UBE2G1: variants seen among roughly 807,000 people sequenced by gnomAD.
UBE2G1 encodes the protein ubiquitin conjugating enzyme E2 G1.
UBE2G1 carries 5 observed loss-of-function variants against 22.7 expected under a neutral mutation model. That is an observed-to-expected ratio of 0.22 (90% CI 0.12 to 0.46). UBE2G1 has a LOEUF of 0.46. Among genes scored for constraint, UBE2G1 ranks in the 20% least tolerant of loss-of-function variants. The probability of loss-of-function intolerance (pLI) is 0.99; values close to 1 mark genes in which losing one functional copy is unlikely to be tolerated. For synonymous variants in UBE2G1, 74 were observed against 67.5 expected, an observed-to-expected ratio of 1.10 and a Z score of -0.47; for missense variants, 88 against 203.9, an observed-to-expected ratio of 0.43 and a Z score of 3.46.
At chr17:4,303,392 A>G (rs540614830) in intron 2 of UBE2G1, among the ~76,000 whole-genome samples, 1 of 152,102 alleles carries the variant, frequency 6.6e-6, no homozygotes, top group South Asian at 2.1e-4. Flanking sequence ...GGGAAAAAAT[A>G]ATTTTTTTTT....
At chr17:4,309,238 G>A (rs570037604) in intron 1 of UBE2G1, among the ~76,000 whole-genome samples, 1 of 152,196 alleles carries the variant, frequency 6.6e-6, no homozygotes, top group Admixed American at 6.5e-5. Flanking sequence ...CAGCCTGGGT[G>A]ACAATGCGAG....
intron 1 of UBE2G1, among the ~76,000 whole-genome samples, chr17:4,334,410 T>C (rs1450456533): frequency 1.3e-5 from 2 of 152,244 alleles, no homozygotes; most frequent in East Asian, 3.8e-4. Context: ...TGCTTTTCTA[T>C]ATTTCATGCC....
chr17:4,335,235 C>G (rs1170309105), intron 1 of UBE2G1: 1 of 152,064 alleles, frequency 6.6e-6, no homozygotes, highest in African/African-American at 2.4e-5. Context: ...GTAAGAGAAT[C>G]ACACCAAGAC....
At chr17:4,309,941 C>G (rs1467924390) in intron 1 of UBE2G1, among the ~76,000 whole-genome samples, 1 of 152,208 alleles carries the variant, frequency 6.6e-6, no homozygotes, top group Admixed American at 6.6e-5. Context: ...TTTGCCCATT[C>G]TTTCCATGCA....
At chr17:4,291,082 C>T (rs910367897) in intron 3 of UBE2G1, among the ~76,000 whole-genome samples, 2 of 152,108 alleles carry the variant, frequency 1.3e-5, no homozygotes, top group South Asian at 2.1e-4. Context: ...CACCGAGGGC[C>T]GGGCGTGGTG....
intron 1 of UBE2G1, among the ~76,000 whole-genome samples, chr17:4,365,492 C>T (rs1177493219): frequency 6.6e-6 from 1 of 152,158 alleles, no homozygotes; most frequent in African/African-American, 2.4e-5. Context: ...CGGCCGCCGC[C>T]CCGGGCCAGA....
chr17:4,303,524 A>G (rs1453305000), intron 2 of UBE2G1, among the ~76,000 whole-genome samples: 1 of 152,178 alleles, frequency 6.6e-6, no homozygotes, highest in Admixed American at 6.5e-5. Flanking sequence ...TCAACTAAGA[A>G]GAGTGGTAGA....
chr17:4,350,058 G>A (rs113987071), intron 1 of UBE2G1, among the ~76,000 whole-genome samples: 147 of 152,230 alleles, frequency 9.7e-4, no homozygotes, highest in African/African-American at 3.5e-3. Flanking sequence ...AAAATGTTGG[G>A]ATTACAGAAG....
chr17:4,282,582 C>T (rs748208155), intron 5 of UBE2G1, among the ~76,000 whole-genome samples: 2 of 152,084 alleles, frequency 1.3e-5, no homozygotes, highest in African/African-American at 2.4e-5. Flanking sequence ...GCATACTAAC[C>T]ATATGAATGC....
intron 1 of UBE2G1, among the ~76,000 whole-genome samples, chr17:4,365,629 G>A (rs1161311167): frequency 6.6e-6 from 1 of 152,058 alleles, no homozygotes. Context: ...CCAGCCGGGC[G>A]GCGCAGCCGG....
At chr17:4,344,917 G>C (rs775882223) in intron 1 of UBE2G1, among the ~76,000 whole-genome samples, 6 of 152,128 alleles carry the variant, frequency 3.9e-5, no homozygotes, top group Non-Finnish European at 8.8e-5. Flanking sequence ...TAAAAAATAA[G>C]TATTTTACCT....
intron 4 of UBE2G1, 57 bp from the exon 5 acceptor site, chr17:4,282,978 C>T (rs1968912850): frequency 7.5e-7 from 1 of 1,338,092 alleles, no homozygotes; most frequent in Admixed American, 2.0e-5. Context: ...TTTATAATCT[C>T]AAATATTTAT....
chr17:4,295,938 G>T (rs1366956265), intron 3 of UBE2G1, among the ~76,000 whole-genome samples: 1 of 146,728 alleles, frequency 6.8e-6, no homozygotes, highest in Non-Finnish European at 1.5e-5. Context: ...AGCCATACTA[G>T]ATGCTTTCCA....
chr17:4,285,563 G>T (rs1346438639), intron 4 of UBE2G1, among the ~76,000 whole-genome samples: 2 of 152,124 alleles, frequency 1.3e-5, no homozygotes, highest in African/African-American at 4.8e-5. Context: ...AAGAAGAAAT[G>T]GGATCCATGA....
chr17:4,366,166 G>A, intron 1 of UBE2G1, 105 bp downstream of exon 1: 1 of 1,247,210 alleles, frequency 8.0e-7, no homozygotes, highest in Non-Finnish European at 1.1e-6. Context: ...CGCAGGCCCG[G>A]GCCCCTTCGG....
At chr17:4,322,647 G>GA (rs1213548705) in intron 1 of UBE2G1, among the ~76,000 whole-genome samples, 2 of 152,118 alleles carry the variant, frequency 1.3e-5, no homozygotes, top group African/African-American at 4.8e-5. Context: ...ACCTATGTAA[G>GA]AGGCCTAGGA....
intron 3 of UBE2G1, among the ~76,000 whole-genome samples, chr17:4,291,367 A>AG (rs1229508836): frequency 6.6e-6 from 1 of 151,830 alleles, no homozygotes; most frequent in East Asian, 1.9e-4. Context: ...TCAAAAAAAA[A>AG]AAAAAAAAAG....
intron 1 of UBE2G1, among the ~76,000 whole-genome samples, chr17:4,349,998 G>T (rs1273197424): frequency 6.6e-6 from 1 of 152,074 alleles, no homozygotes; most frequent in Non-Finnish European, 1.5e-5. Context: ...TCTTGCTCAG[G>T]CTGGTCTCAA....
chr17:4,322,536 G>A (rs1196044069), intron 1 of UBE2G1, among the ~76,000 whole-genome samples: 1 of 152,204 alleles, frequency 6.6e-6, no homozygotes, highest in Admixed American at 6.5e-5. Flanking sequence ...TGTTGTGCAT[G>A]AAATATAACT....
Sources: gnomAD v4.1 joint callset for allele counts (sites outside exome capture counted in the v4.1 genomes callset) on GRCh38, gnomAD v4.1.1 for gene constraint, MANE v1.5 for transcripts, NCBI Gene and HGNC (gene_info 2026-07-23, HGNC 2026-07-21) for gene names.